The following XPR1 variants were observed in gnomAD, a reference collection of about 807,000 sequenced individuals.
XPR1 encodes solute carrier family 53 member 1.
XPR1 carries 28 observed loss-of-function variants against 87.5 expected under a neutral mutation model. That is an observed-to-expected ratio of 0.32 (90% confidence interval 0.24 to 0.44). The LOEUF is 0.44. Ranked by LOEUF, XPR1 falls within the 20% of genes least tolerant of loss-of-function variation. The pLI is 1.00. For synonymous variants in XPR1, 300 were observed against 306.1 expected (o/e 0.98, Z 0.21); for missense variants, 559 against 862.3 (o/e 0.65, Z 4.41).
rs1571845076 is a variant in XPR1, at chr1:180,794,787, G to A, written c.223+6933G>A. On this transcript the variant is annotated intron_variant, in intron 3 of 14. Transcript: ENST00000367590. ...TATCCAGATGCACAGTGGTGTTAAAGTACATGACATATTTGGGGATGAAGA... is the reference window on the plus strand; with the variant it reads ...TATCCAGATGCACAGTGGTGTTAAAATACATGACATATTTGGGGATGAAGA... Among the ~76,000 whole-genome samples the A allele has an allele frequency of 6.6e-5, 10 of 152,210 alleles. No homozygotes were observed. In the South Asian group the frequency reaches 2.1e-3, roughly 31 times the overall value.
intron 2 of XPR1, among the ~76,000 whole-genome samples, chr1:180,765,573 G>T (rs141423528): frequency 6.6e-6 from 1 of 152,002 alleles, no homozygotes; most frequent in African/African-American, 2.4e-5. Flanking sequence ...AAATCTGTGG[G>T]TGCCCATGTT....
At chr1:180,773,750 C>T (rs1648607165) in intron 2 of XPR1, among the ~76,000 whole-genome samples, 1 of 152,026 alleles carries the variant, frequency 6.6e-6, no homozygotes, top group Non-Finnish European at 1.5e-5. Flanking sequence ...CCATGTTTTG[C>T]TTTAAGAGCA....
intron 4 of XPR1, among the ~76,000 whole-genome samples, chr1:180,804,711 A>C (rs183662155): frequency 6.6e-6 from 1 of 152,170 alleles, no homozygotes; most frequent in Admixed American, 6.5e-5. Flanking sequence ...CTATAATTCT[A>C]CTTTGTTCTT....
At chr1:180,824,671 C>G in intron 7 of XPR1, 82 bp from the exon 8 acceptor site, 1 of 1,229,334 alleles carries the variant, frequency 8.1e-7, no homozygotes, top group Admixed American at 2.2e-5. Flanking sequence ...AGGGCTATAT[C>G]ATTGAGAATG....
At chr1:180,827,948 C>G (rs2102156582) in intron 9 of XPR1, among the ~76,000 whole-genome samples, 1 of 150,740 alleles carries the variant, frequency 6.6e-6, no homozygotes, top group South Asian at 2.1e-4. Flanking sequence ...GTGATCTCAG[C>G]TCACTGCAAC....
intron 4 of XPR1, among the ~76,000 whole-genome samples, chr1:180,805,360 G>A (rs2102121592): frequency 6.6e-6 from 1 of 152,174 alleles, no homozygotes; most frequent in South Asian, 2.1e-4. Flanking sequence ...TTGCATGCTG[G>A]GCAAAGAACA....
rs1370663743 is a variant in XPR1, at chr1:180,699,434, A to C, written c.121+17023A>C. Among the ~76,000 whole-genome samples the C allele has an allele frequency of 8.9e-4, 97 of 108,988 alleles. 3 individuals carry two copies. The East Asian group carries it at 0.02, about 23-fold the overall frequency. 71.5% of individuals were successfully genotyped at this position (108,988 alleles called of 152,430 possible). A position where few individuals can be genotyped will look rare whatever the true frequency, so the allele number is the denominator to read the frequency against. On this transcript the variant is annotated intron_variant, in intron 2 of 14. Transcript: ENST00000367590. ...CTGTGTCCAAGTGATCTCATTGTTCAATTCCCACCTATGAGTGAGAATATG... is the reference window on the plus strand; with the variant it reads ...CTGTGTCCAAGTGATCTCATTGTTCCATTCCCACCTATGAGTGAGAATATG...
At chr1:180,764,490 A>G (rs1414247244) in intron 2 of XPR1, among the ~76,000 whole-genome samples, 1 of 150,722 alleles carries the variant, frequency 6.6e-6, no homozygotes, top group Admixed American at 6.6e-5. Context: ...GTTTTTTGAG[A>G]TGGGGGTCTC....
intron 2 of XPR1, among the ~76,000 whole-genome samples, chr1:180,711,706 A>G (rs1365157581): frequency 6.6e-6 from 1 of 152,216 alleles, no homozygotes; most frequent in Non-Finnish European, 1.5e-5. Flanking sequence ...TAGAGCTTTT[A>G]AATTTTGATG....
At chr1:180,710,935 AG>A (rs1162032293) in intron 2 of XPR1, among the ~76,000 whole-genome samples, 1 of 123,816 alleles carries the variant, frequency 8.1e-6, no homozygotes, top group African/African-American at 3.1e-5. Flanking sequence ...CTTCCCAGAC[AG>A]GGCGGCTGCT....
intron 2 of XPR1, among the ~76,000 whole-genome samples, chr1:180,761,186 C>T (rs989732062): frequency 5.9e-5 from 9 of 152,064 alleles, no homozygotes; most frequent in African/African-American, 9.7e-5. Context: ...TAGGCAATAC[C>T]GGTAATTCAG....
chr1:180,697,634 G>A (rs1258380619), intron 2 of XPR1, among the ~76,000 whole-genome samples: 1 of 151,764 alleles, frequency 6.6e-6, no homozygotes, highest in African/African-American at 2.4e-5. Flanking sequence ...TGTAGGTTTG[G>A]GTATGTTGTG....
At chr1:180,670,641 A>C (rs1656137317) in intron 1 of XPR1, among the ~76,000 whole-genome samples, 2 of 152,212 alleles carry the variant, frequency 1.3e-5, no homozygotes, top group South Asian at 4.1e-4. Flanking sequence ...GTAGTTAAGA[A>C]CTGTTGTTAC....
chr1:180,820,899 T>C (rs1468668012), intron 7 of XPR1, among the ~76,000 whole-genome samples: 1 of 152,200 alleles, frequency 6.6e-6, no homozygotes, highest in Non-Finnish European at 1.5e-5. Context: ...TTCTTAGCCC[T>C]ATTTTAATTG....
At chr1:180,845,014 A>C (rs1408514608) in intron 11 of XPR1, among the ~76,000 whole-genome samples, 1 of 152,198 alleles carries the variant, frequency 6.6e-6, no homozygotes, top group Non-Finnish European at 1.5e-5. Context: ...AATCTAATCT[A>C]CTGTGATACA....
chr1:180,651,384 C>T (rs74227329), intron 1 of XPR1, among the ~76,000 whole-genome samples: 1 of 152,012 alleles, frequency 6.6e-6, no homozygotes, highest in Non-Finnish European at 1.5e-5. Context: ...GAGCCACGCA[C>T]CTCGCCCGGA....
intron 2 of XPR1, among the ~76,000 whole-genome samples, chr1:180,698,456 G>T (rs911568758): frequency 3.3e-5 from 5 of 152,122 alleles, no homozygotes; most frequent in Non-Finnish European, 7.4e-5. Context: ...ACTTGTTCCT[G>T]TAATTTTGTT....
intron 2 of XPR1, among the ~76,000 whole-genome samples, chr1:180,692,207 C>T (rs1657016971): frequency 6.6e-6 from 1 of 151,948 alleles, no homozygotes; most frequent in African/African-American, 2.4e-5. Flanking sequence ...CAGTAAGGTA[C>T]CCTAGTCATT....
At chr1:180,846,385 C>T (rs924335207) in intron 11 of XPR1, among the ~76,000 whole-genome samples, 4 of 151,614 alleles carry the variant, frequency 2.6e-5, no homozygotes, top group East Asian at 1.9e-4. Flanking sequence ...ATGTAATGAA[C>T]GAAAGACCAG....
Sources: gnomAD v4.1 joint callset for allele counts (sites outside exome capture counted in the v4.1 genomes callset) on GRCh38, gnomAD v4.1.1 for gene constraint, MANE v1.5 for transcripts, NCBI Gene and HGNC (gene_info 2026-07-23, HGNC 2026-07-21) for gene names.